The following CSMD3 variants were observed in gnomAD, a reference collection of about 807,000 sequenced individuals.
The protein encoded by CSMD3 is CUB and sushi domain-containing protein 3.
CSMD3 carries 177 observed loss-of-function variants against 435.2 expected under a neutral mutation model. The ratio of observed to expected loss-of-function variants is 0.41; its 90% CI spans 0.36 to 0.46. The LOEUF is 0.46. CSMD3 is among the 20% of genes least tolerant of loss of function. The pLI is 0.34. For synonymous variants in CSMD3, 1,656 were observed against 1,520.5 expected (o/e 1.09, Z -2.07); for missense variants, 4,265 against 4,504.6 (o/e 0.95, Z 1.52).
intron 13 of CSMD3, among the ~76,000 whole-genome samples, chr8:112,748,011 A>T (rs549924561): frequency 2.0e-5 from 3 of 150,148 alleles, no homozygotes; most frequent in Non-Finnish European, 3.0e-5. Context: ...TATTAGATGC[A>T]TGGGTCAAAG....
intron 22 of CSMD3, among the ~76,000 whole-genome samples, chr8:112,614,655 T>C (rs1032969129): frequency 4.6e-5 from 7 of 152,076 alleles, no homozygotes; most frequent in Non-Finnish European, 2.9e-5. Context: ...TTAGAATTTC[T>C]TTTTTTAGAC....
At chr8:113,082,516 A>G (rs2089605500) in intron 5 of CSMD3, among the ~76,000 whole-genome samples, 1 of 152,176 alleles carries the variant, frequency 6.6e-6, no homozygotes, top group African/African-American at 2.4e-5. Flanking sequence ...CTACTCCACA[A>G]AATTGGAAGA....
chr8:112,972,876 C>T (rs1362950084), intron 7 of CSMD3, among the ~76,000 whole-genome samples: 1 of 151,818 alleles, frequency 6.6e-6, no homozygotes. Flanking sequence ...CAAATGCAAG[C>T]TGCAATGGCA....
intron 32 of CSMD3, among the ~76,000 whole-genome samples, chr8:112,447,724 A>G (rs1815776836): frequency 6.6e-6 from 1 of 152,186 alleles, no homozygotes; most frequent in Admixed American, 6.5e-5. Context: ...GCACAAAAAT[A>G]ACTGTTGCCC....
intron 54 of CSMD3, among the ~76,000 whole-genome samples, chr8:112,293,169 T>C (rs967558550): frequency 2.6e-5 from 4 of 151,826 alleles, no homozygotes; most frequent in Non-Finnish European, 5.9e-5. Flanking sequence ...GGTGGGAGGA[T>C]TGCTTGAGGA....
chr8:112,508,192 G>T (rs1034297032), intron 28 of CSMD3, among the ~76,000 whole-genome samples: 3 of 151,876 alleles, frequency 2.0e-5, no homozygotes, highest in African/African-American at 7.3e-5. Context: ...CCACAAACAC[G>T]CTCAGGTTTC....
chr8:112,817,219 TGAA>T (rs1412171009), intron 12 of CSMD3, among the ~76,000 whole-genome samples: 1 of 151,942 alleles, frequency 6.6e-6, no homozygotes, highest in Non-Finnish European at 1.5e-5. Flanking sequence ...TGCAGAAAAA[TGAA>T]GGAGTATCAC....
At chr8:112,855,951 T>C (rs1587487871) in intron 11 of CSMD3, among the ~76,000 whole-genome samples, 1 of 151,822 alleles carries the variant, frequency 6.6e-6, no homozygotes, top group East Asian at 1.9e-4. Context: ...TAATATATGA[T>C]TATCTTTTGA....
chr8:113,048,655 T>C (rs997932353), intron 5 of CSMD3, among the ~76,000 whole-genome samples: 1 of 152,174 alleles, frequency 6.6e-6, no homozygotes, highest in African/African-American at 2.4e-5. Context: ...TTACTCTGCA[T>C]AATGATTTTG....
chr8:112,418,324 A>G, intron 32 of CSMD3, among the ~76,000 whole-genome samples: 1 of 152,158 alleles, frequency 6.6e-6, no homozygotes, highest in East Asian at 1.9e-4. Context: ...TTACATATGT[A>G]TACATGTGTC....
At chr8:112,594,608 G>A (rs1831514895) in intron 22 of CSMD3, among the ~76,000 whole-genome samples, 2 of 152,146 alleles carry the variant, frequency 1.3e-5, no homozygotes, top group Non-Finnish European at 2.9e-5. Flanking sequence ...AGACTTAAAT[G>A]TCCCCGTCTG....
chr8:112,318,980 T>C, intron 46 of CSMD3, 30 bp from the exon 47 acceptor site: 2 of 1,224,774 alleles, frequency 1.6e-6, no homozygotes, highest in African/African-American at 1.5e-5. Context: ...AGGTTTCATA[T>C]AAGCAACAAG....
chr8:113,338,170 G>A (rs1425578294), intron 1 of CSMD3, among the ~76,000 whole-genome samples: 1 of 151,828 alleles, frequency 6.6e-6, no homozygotes, highest in African/African-American at 2.4e-5. Context: ...AAGAGCACAT[G>A]AAAAGATGCT....
At chr8:112,961,778 T>C (rs1463747061) in intron 7 of CSMD3, among the ~76,000 whole-genome samples, 1 of 151,970 alleles carries the variant, frequency 6.6e-6, no homozygotes, top group Non-Finnish European at 1.5e-5. Flanking sequence ...CTAAAATTTG[T>C]ATATGGGCTT....
intron 13 of CSMD3, among the ~76,000 whole-genome samples, chr8:112,704,899 T>C (rs1043365544): frequency 2.0e-5 from 3 of 152,110 alleles, no homozygotes; most frequent in African/African-American, 7.2e-5. Flanking sequence ...CCCCAGCTTA[T>C]AAATTTATTT....
At chr8:112,926,282 G>GTATGCATTC (rs1448322044) in intron 9 of CSMD3, among the ~76,000 whole-genome samples, 1 of 151,944 alleles carries the variant, frequency 6.6e-6, no homozygotes, top group Non-Finnish European at 1.5e-5. Flanking sequence ...TTGTGTGTGT[G>GTATGCATTC]TATGCATTCC....
At chr8:112,752,900 CGTGTGTGTGTGTGT>C (rs10617885) in intron 13 of CSMD3, among the ~76,000 whole-genome samples, 110 of 146,490 alleles carry the variant, frequency 7.5e-4, no homozygotes, top group Non-Finnish European at 9.9e-4. Context: ...TTTGTTACCG[CGTGTGTGTGTGTGT>C]GTGTGTGTGT....
At chr8:112,694,069 C>G (rs56042027) in intron 13 of CSMD3, among the ~76,000 whole-genome samples, 1 of 149,206 alleles carries the variant, frequency 6.7e-6, no homozygotes, top group African/African-American at 2.4e-5. Context: ...TTCTTTTTTT[C>G]CATAAATACA....
intron 3 of CSMD3, among the ~76,000 whole-genome samples, chr8:113,259,423 T>C (rs963631409): frequency 1.3e-5 from 2 of 152,098 alleles, no homozygotes; most frequent in African/African-American, 4.8e-5. Context: ...TAACAGCCAA[T>C]CCCTTCAGAA....
Sources: gnomAD v4.1 joint callset for allele counts (sites outside exome capture counted in the v4.1 genomes callset) on GRCh38, gnomAD v4.1.1 for gene constraint, MANE v1.5 for transcripts, NCBI Gene and HGNC (gene_info 2026-07-23, HGNC 2026-07-21) for gene names.